The following GALK2 variants were observed in gnomAD, a reference collection of about 807,000 sequenced individuals.
GALK2 encodes the protein galactokinase 2.
A neutral mutation model predicts 52.4 loss-of-function variants in GALK2; 36 were observed. That is an observed-to-expected ratio of 0.69 (90% CI 0.53 to 0.91). The LOEUF (loss-of-function observed/expected upper bound fraction) is 0.91. Ranked by LOEUF, GALK2 falls within the 40% of genes least tolerant of loss-of-function variation. The pLI is 0.00. For missense variants in GALK2, 579 were observed against 559.1 expected (o/e 1.04, Z -0.36); for synonymous variants, 176 against 199.1 (o/e 0.88, Z 0.98).
At chr15:49,294,714 T>C (rs985811974) in intron 8 of GALK2, among the ~76,000 whole-genome samples, 11 of 152,196 alleles carry the variant, frequency 7.2e-5, no homozygotes, top group Admixed American at 6.5e-4. Flanking sequence ...GAGAGTGCCA[T>C]ACAACAATCA....
intron 3 of GALK2, chr15:49,366,404 C>T: frequency 1.2e-6 from 1 of 815,190 alleles, no homozygotes; most frequent in Non-Finnish European, 2.2e-6. Context: ...AAAATGGCAG[C>T]TGCCCCATTG....
At chr15:49,170,168 G>A, upstream of GALK2, 3 of 1,457,724 alleles carry the variant, frequency 2.1e-6, no homozygotes, top group South Asian at 4.2e-5. Flanking sequence ...GGGCCGATTG[G>A]AAGCAGCCAC....
chr15:49,353,849 T>C (rs757836255), intron 3 of GALK2: 3 of 152,230 alleles, frequency 2.0e-5, no homozygotes, highest in Non-Finnish European at 4.4e-5. Flanking sequence ...TACTAGGTTC[T>C]TACCATATGT....
chr15:49,319,075 C>A (rs1022027056), intron 8 of GALK2: 1 of 392,216 alleles, frequency 2.5e-6, no homozygotes, highest in African/African-American at 2.1e-5. Context: ...TTCAGTCTCT[C>A]AAATAGCTGG....
intron 3 of GALK2, chr15:49,354,069 A>G (rs1690415035): frequency 6.6e-6 from 1 of 152,174 alleles, no homozygotes; most frequent in African/African-American, 2.4e-5. Context: ...CACTGTTGAC[A>G]ATTTTCTTCT....
intron 5 of GALK2, among the ~76,000 whole-genome samples, chr15:49,251,068 A>G (rs1347188366): frequency 6.6e-6 from 1 of 152,224 alleles, no homozygotes; most frequent in African/African-American, 2.4e-5. Context: ...TGAGGCCAGT[A>G]AAACCTTTCT....
At chr15:49,170,447 G>C (rs951488201) in intron 1 of GALK2, 72 bp downstream of exon 1, 3 of 1,461,384 alleles carry the variant, frequency 2.1e-6, no homozygotes, top group Non-Finnish European at 2.8e-6. Context: ...CACAGCACTT[G>C]GCTCCTCCCT....
At chr15:49,197,653 G>A (rs972992074) in intron 1 of GALK2, among the ~76,000 whole-genome samples, 6 of 151,960 alleles carry the variant, frequency 3.9e-5, no homozygotes, top group Admixed American at 6.6e-5. Flanking sequence ...CACTTATAAC[G>A]TCATGTCTGT....
chr15:49,200,644 C>G (rs76723105), intron 1 of GALK2, among the ~76,000 whole-genome samples: 1,799 of 152,296 alleles, frequency 0.012, 20 homozygotes, highest in Middle Eastern at 0.031. Context: ...AGAAATGATT[C>G]TCCTCTACAG....
At chr15:49,174,426 A>G (rs1595879790) in intron 1 of GALK2, among the ~76,000 whole-genome samples, 1 of 152,110 alleles carries the variant, frequency 6.6e-6, no homozygotes, top group Non-Finnish European at 1.5e-5. Flanking sequence ...GCTCACCACA[A>G]CCACCACTTG....
intron 8 of GALK2, among the ~76,000 whole-genome samples, chr15:49,299,611 T>C (rs2034789319): frequency 6.6e-6 from 1 of 152,138 alleles, no homozygotes; most frequent in African/African-American, 2.4e-5. Flanking sequence ...CAGAATTAAT[T>C]TCATTGCCTT....
At chr15:49,283,511 A>C in intron 6 of GALK2, 55 bp from the exon 7 acceptor site, 1 of 1,446,962 alleles carries the variant, frequency 6.9e-7, no homozygotes, top group African/African-American at 1.4e-5. Flanking sequence ...TAAACACTTG[A>C]ACATTTTCTG....
chr15:49,346,660 T>C (rs2041554418), intron 3 of GALK2, among the ~76,000 whole-genome samples: 1 of 152,166 alleles, frequency 6.6e-6, no homozygotes, highest in Non-Finnish European at 1.5e-5. Context: ...CCCTTAGAGA[T>C]AGTCTTTGGA....
chr15:49,313,100 T>A (rs779268027), intron 8 of GALK2, among the ~76,000 whole-genome samples: 1 of 152,212 alleles, frequency 6.6e-6, no homozygotes, highest in Non-Finnish European at 1.5e-5. Flanking sequence ...CTGTGTGGAA[T>A]AAAGTGTGTG....
At chr15:49,176,453 T>C (rs1477397784) in intron 1 of GALK2, among the ~76,000 whole-genome samples, 1 of 152,240 alleles carries the variant, frequency 6.6e-6, no homozygotes, top group African/African-American at 2.4e-5. Flanking sequence ...AACTCTGTAT[T>C]AAGTTTGCCT....
At chr15:49,164,648 G>T (rs1715059260) in intron 1 of GALK2, among the ~76,000 whole-genome samples, 2 of 151,760 alleles carry the variant, frequency 1.3e-5, no homozygotes. Flanking sequence ...GAGCGTGGTG[G>T]CGCATGCCTG....
intron 5 of GALK2, among the ~76,000 whole-genome samples, chr15:49,243,994 G>A (rs1309931351): frequency 6.6e-6 from 1 of 151,940 alleles, no homozygotes; most frequent in Non-Finnish European, 1.5e-5. Context: ...CTCTGATATA[G>A]TAGGGAATAA....
rs570175296 is a variant in GALK2, at chr15:49,207,659, T to C, written c.142+6409T>C. Among the ~76,000 whole-genome samples, 24 of 152,346 alleles carry C rather than the reference T, an allele frequency of 1.6e-4. No individual in the cohort carries two copies. In the South Asian group the frequency reaches 4.6e-3, roughly 29 times the overall value. ...CATGTAAAGGTGTTCATAGTCGCCT[T>C]GAATGATCTTTTGTATTTCAGTGGT... On this transcript the variant is annotated intron_variant, in intron 2 of 9. Coordinates refer to ENST00000560031, the MANE Select transcript of GALK2 (RefSeq NM_002044.4).
chr15:49,345,143 A>T (rs2041279274), intron 3 of GALK2, among the ~76,000 whole-genome samples: 2 of 152,174 alleles, frequency 1.3e-5, no homozygotes, highest in Admixed American at 6.5e-5. Context: ...GAGGTGATGT[A>T]TTTGTCACTT....
Sources: allele counts gnomAD v4.1 joint callset (sites outside exome capture counted in the v4.1 genomes callset), GRCh38; gene constraint gnomAD v4.1.1; transcripts MANE v1.5; gene names NCBI Gene and HGNC (gene_info 2026-07-23, HGNC 2026-07-21).